The following IGSF21 variants were observed in gnomAD, a reference collection of about 807,000 sequenced individuals.
IGSF21 encodes the protein immunoglobin superfamily member 21.
IGSF21 carries 28 observed loss-of-function variants against 46.8 expected under a neutral mutation model. The observed-to-expected ratio is 0.60, with a 90% CI of 0.44 to 0.82. The LOEUF is 0.82. Ranked by LOEUF, IGSF21 falls within the 40% of genes least tolerant of loss-of-function variation. IGSF21 has a pLI of 0.00. For synonymous variants in IGSF21, 284 were observed against 273.6 expected (o/e 1.04, Z -0.38); for missense variants, 624 against 665.5 (o/e 0.94, Z 0.69).
At chr1:18,167,369 G>C (rs2086689814) in intron 1 of IGSF21, among the ~76,000 whole-genome samples, 1 of 152,148 alleles carries the variant, frequency 6.6e-6, no homozygotes, top group Non-Finnish European at 1.5e-5. Context: ...GTACAGAGGA[G>C]GAAACCAAGA....
chr1:18,366,129 G>T (rs1013166209), intron 6 of IGSF21, among the ~76,000 whole-genome samples: 5 of 152,084 alleles, frequency 3.3e-5, no homozygotes, highest in African/African-American at 1.2e-4. Context: ...GGAGTCACTG[G>T]GCTGGGTCAG....
intron 3 of IGSF21, among the ~76,000 whole-genome samples, chr1:18,315,043 G>C (rs1553162917): frequency 6.6e-6 from 1 of 152,156 alleles, no homozygotes; most frequent in Non-Finnish European, 1.5e-5. Flanking sequence ...GCAGAGGGGA[G>C]AGCAGGGACA....
At chr1:18,246,305 C>A (rs1037507663) in intron 2 of IGSF21, among the ~76,000 whole-genome samples, 1 of 152,062 alleles carries the variant, frequency 6.6e-6, no homozygotes, top group African/African-American at 2.4e-5. Flanking sequence ...ACTCTTGCTG[C>A]CTCAGGTCCC....
chr1:18,215,032 G>A (rs749374388), intron 1 of IGSF21, among the ~76,000 whole-genome samples: 2 of 152,228 alleles, frequency 1.3e-5, no homozygotes, highest in African/African-American at 2.4e-5. Flanking sequence ...GAGCCACTGC[G>A]CCTGGCCAGT....
At chr1:18,209,493 C>T (rs761389064) in intron 1 of IGSF21, among the ~76,000 whole-genome samples, 7 of 151,828 alleles carry the variant, frequency 4.6e-5, no homozygotes, top group South Asian at 2.1e-4. Context: ...CTCACTCTGT[C>T]GCCCAGGCTG....
chr1:18,296,156 C>T (rs917260771), intron 3 of IGSF21, among the ~76,000 whole-genome samples: 4 of 152,156 alleles, frequency 2.6e-5, no homozygotes, highest in African/African-American at 9.7e-5. Context: ...AGAAGGCACC[C>T]GTATTGGCTT....
At chr1:18,201,273 C>A (rs367889814) in intron 1 of IGSF21, among the ~76,000 whole-genome samples, 1 of 152,068 alleles carries the variant, frequency 6.6e-6, no homozygotes, top group African/African-American at 2.4e-5. Context: ...TAAGGGCAGC[C>A]GGGCTGACAC....
chr1:18,311,077 A>T (rs1383690964), intron 3 of IGSF21, among the ~76,000 whole-genome samples: 1 of 152,112 alleles, frequency 6.6e-6, no homozygotes, highest in Non-Finnish European at 1.5e-5. Context: ...GATTCAACAG[A>T]TCTTTTGGGA....
At chr1:18,327,340 G>C (rs904151785) in intron 3 of IGSF21, among the ~76,000 whole-genome samples, 5 of 152,202 alleles carry the variant, frequency 3.3e-5, no homozygotes, top group Admixed American at 3.3e-4. Flanking sequence ...CACTTTAGAA[G>C]ACATTTGAGC....
chr1:18,350,489 G>A (rs1002038687), intron 4 of IGSF21, among the ~76,000 whole-genome samples: 1 of 152,176 alleles, frequency 6.6e-6, no homozygotes, highest in African/African-American at 2.4e-5. Flanking sequence ...TCTTTACAAA[G>A]ATGCAATCCA....
intron 2 of IGSF21, chr1:18,278,931 G>A (rs1217261560): frequency 2.1e-6 from 1 of 471,360 alleles, no homozygotes; most frequent in East Asian, 6.9e-5. Context: ...ACACTTTCCT[G>A]CATGTTGGGA....
chr1:18,356,197 C>A (rs1046755795), intron 4 of IGSF21, among the ~76,000 whole-genome samples: 2 of 152,152 alleles, frequency 1.3e-5, no homozygotes, highest in Non-Finnish European at 2.9e-5. Context: ...GCAAAATATG[C>A]CTGCTTGGTG....
At chr1:18,375,419 T>C (rs1480213821) in intron 6 of IGSF21, among the ~76,000 whole-genome samples, 1 of 152,138 alleles carries the variant, frequency 6.6e-6, no homozygotes, top group African/African-American at 2.4e-5. Flanking sequence ...TCCGTGGAGC[T>C]CTGTTTGTCA....
chr1:18,148,983 A>G (rs981049784), intron 1 of IGSF21, among the ~76,000 whole-genome samples: 1 of 152,224 alleles, frequency 6.6e-6, no homozygotes, highest in Non-Finnish European at 1.5e-5. Flanking sequence ...AGTGTGCACG[A>G]GTTCTTACGG....
chr1:18,307,886 C>G (rs1468783249), intron 3 of IGSF21, among the ~76,000 whole-genome samples: 1 of 151,392 alleles, frequency 6.6e-6, no homozygotes, highest in East Asian at 1.9e-4. Context: ...AGGGCTCGAC[C>G]CCAGGCCCTT....
chr1:18,289,778 C>T (rs2085248946), intron 2 of IGSF21, among the ~76,000 whole-genome samples: 2 of 152,138 alleles, frequency 1.3e-5, no homozygotes, highest in African/African-American at 4.8e-5. Context: ...TTGTGACAAC[C>T]AAAAATGTCT....
chr1:18,140,058 C>T (rs2086401580), intron 1 of IGSF21, among the ~76,000 whole-genome samples: 1 of 152,198 alleles, frequency 6.6e-6, no homozygotes, highest in South Asian at 2.1e-4. Context: ...ACAATCCTTG[C>T]CTCAGCCTCC....
chr1:18,216,439 A>G (rs1395328785), intron 1 of IGSF21, among the ~76,000 whole-genome samples: 5 of 152,170 alleles, frequency 3.3e-5, no homozygotes, highest in African/African-American at 1.2e-4. Context: ...AGGTGGCATC[A>G]TCATATTTGC....
At chr1:18,129,123 A>G (rs4920434) in intron 1 of IGSF21, among the ~76,000 whole-genome samples, 147,682 of 152,274 alleles carry the variant, frequency 0.97, 71,761 homozygotes, top group East Asian at 1. Context: ...ATGAATCGAT[A>G]CTGTAAGAGG....
Sources: gnomAD v4.1 joint callset for allele counts (sites outside exome capture counted in the v4.1 genomes callset) on GRCh38, gnomAD v4.1.1 for gene constraint, MANE v1.5 for transcripts, NCBI Gene and HGNC (gene_info 2026-07-23, HGNC 2026-07-21) for gene names.